ZSWIM6: variants seen among roughly 807,000 people sequenced by gnomAD.
ZSWIM6 encodes zinc finger SWIM domain-containing protein 6.
In ZSWIM6, 9 loss-of-function variants were observed where a neutral mutation model predicts 113.2. The ratio of observed to expected loss-of-function variants is 0.08; its 90% CI spans 0.05 to 0.14. The LOEUF (loss-of-function observed/expected upper bound fraction) is 0.14. Among genes scored for constraint, ZSWIM6 ranks in the 10% least tolerant of loss-of-function variants. The pLI, the probability that ZSWIM6 is intolerant of heterozygous loss-of-function variation, is 1.00. For synonymous variants in ZSWIM6, 611 were observed against 606.5 expected, an observed-to-expected ratio of 1.01 and a Z score of -0.11; for missense variants, 1,162 against 1,552.2, an observed-to-expected ratio of 0.75 and a Z score of 4.22.
At chr5:61,367,823 T>A (rs1745191924) in intron 1 of ZSWIM6, among the ~76,000 whole-genome samples, 1 of 152,124 alleles carries the variant, frequency 6.6e-6, no homozygotes, top group Non-Finnish European at 1.5e-5. Context: ...ATGAAGTACA[T>A]TTAAAAGTTG....
chr5:61,500,610 C>T (rs545415459), intron 4 of ZSWIM6, among the ~76,000 whole-genome samples: 3 of 152,224 alleles, frequency 2.0e-5, no homozygotes, highest in African/African-American at 4.8e-5. Context: ...CTAGTCTAGT[C>T]GCTAATTTGT....
chr5:61,544,218 T>C lies in ZSWIM6; in HGVS notation c.3549T>C (p.His1183=). The change falls in exon 14 of 14, where the codon CAT becomes CAC. Residue 1183 remains histidine (H), a synonymous_variant. Coordinates refer to ENST00000252744, the MANE Select transcript of ZSWIM6 (RefSeq NM_020928.2). ...SKARETFLMA[H]DGHIQFTQFI... The stretch of plus-strand genomic sequence containing the variant: ...CCCGAGAGACCTTCTTAATGGCGCA[T>C]GATGGACACATTCAGTTTACACAGT... The C allele has an allele frequency of 1.3e-6, 2 of 1,551,442 alleles. No homozygotes were observed. The highest frequency in any genetic ancestry group is 1.7e-6 in the Non-Finnish European group (2 of 1,146,944).
intron 1 of ZSWIM6, among the ~76,000 whole-genome samples, chr5:61,383,736 G>A (rs964231973): frequency 9.9e-5 from 15 of 151,240 alleles, no homozygotes; most frequent in South Asian, 2.1e-4. Flanking sequence ...TAGTAGAGAC[G>A]GGGTTTTACC....
intron 2 of ZSWIM6, among the ~76,000 whole-genome samples, chr5:61,474,037 C>T (rs188915448): frequency 2.2e-4 from 34 of 152,122 alleles, no homozygotes; most frequent in African/African-American, 8.2e-4. Flanking sequence ...GAACTGTCAC[C>T]CAGGCCAAGA....
intron 4 of ZSWIM6, among the ~76,000 whole-genome samples, chr5:61,516,147 T>C (rs1326868836): frequency 6.6e-6 from 1 of 151,770 alleles, no homozygotes; most frequent in African/African-American, 2.4e-5. Context: ...GTTTAGACCA[T>C]TTATATTTTA....
At chr5:61,538,014 C>G (rs11747755) in intron 10 of ZSWIM6, among the ~76,000 whole-genome samples, 3,232 of 152,198 alleles carry the variant, frequency 0.021, 53 homozygotes, top group Non-Finnish European at 0.032. Context: ...AATCATGGCT[C>G]CCAGGCTCAG....
intron 4 of ZSWIM6, among the ~76,000 whole-genome samples, chr5:61,514,372 C>G (rs780752647): frequency 6.6e-6 from 1 of 151,302 alleles, no homozygotes; most frequent in Non-Finnish European, 1.5e-5. Context: ...TAATCCCCTT[C>G]CCTTGCTTTA....
At chr5:61,483,280 C>G (rs1053917495) in intron 2 of ZSWIM6, among the ~76,000 whole-genome samples, 1 of 152,068 alleles carries the variant, frequency 6.6e-6, no homozygotes, top group East Asian at 1.9e-4. Context: ...ACCCATTAAT[C>G]CATTAATACA....
At chr5:61,391,730 C>CCAGGAAGGCTGTGAGGTGGA (rs2112092704) in intron 1 of ZSWIM6, 1 of 1,147,974 alleles carries the variant, frequency 8.7e-7, no homozygotes, top group East Asian at 2.3e-5. Flanking sequence ...GCCTTGTATC[C>CCAGGAAGGCTGTGAGGTGGA]CAGGAAGGCT....
At chr5:61,433,097 C>T (rs1487971977) in intron 1 of ZSWIM6, among the ~76,000 whole-genome samples, 1 of 152,026 alleles carries the variant, frequency 6.6e-6, no homozygotes, top group Non-Finnish European at 1.5e-5. Context: ...GGAAAATATT[C>T]TCCATTATGT....
chr5:61,444,251 T>C (rs977392488), intron 1 of ZSWIM6, among the ~76,000 whole-genome samples: 10 of 151,850 alleles, frequency 6.6e-5, no homozygotes, highest in African/African-American at 2.4e-4. Flanking sequence ...TCCAGTTTCA[T>C]CCATGTCCCT....
chr5:61,434,541 A>G (rs1363512529), intron 1 of ZSWIM6, among the ~76,000 whole-genome samples: 1 of 151,528 alleles, frequency 6.6e-6, no homozygotes, highest in Admixed American at 6.6e-5. Context: ...AACATATGAT[A>G]TTTGGTTTTC....
At chr5:61,471,149 A>G (rs997084655) in intron 1 of ZSWIM6, among the ~76,000 whole-genome samples, 1 of 152,230 alleles carries the variant, frequency 6.6e-6, no homozygotes, top group Non-Finnish European at 1.5e-5. Context: ...CAATAGAGGA[A>G]GACTGGGAGA....
chr5:61,352,078 C>A (rs1006246312), intron 1 of ZSWIM6, among the ~76,000 whole-genome samples: 8 of 152,184 alleles, frequency 5.3e-5, no homozygotes, highest in African/African-American at 1.9e-4. Flanking sequence ...GACCCTCAGC[C>A]ACCTTCTGCA....
chr5:61,491,766 T>C (rs538634956), intron 3 of ZSWIM6, among the ~76,000 whole-genome samples: 12 of 152,094 alleles, frequency 7.9e-5, no homozygotes, highest in East Asian at 3.8e-4. Context: ...TAGCTGTTCA[T>C]TGATGCTTTT....
intron 4 of ZSWIM6, among the ~76,000 whole-genome samples, chr5:61,508,186 T>C (rs1035713027): frequency 2.0e-5 from 3 of 152,130 alleles, no homozygotes; most frequent in Non-Finnish European, 4.4e-5. Context: ...TGGCAGCAAT[T>C]ATTGTCAGGT....
intron 1 of ZSWIM6, among the ~76,000 whole-genome samples, chr5:61,388,706 A>G (rs1157794740): frequency 6.6e-6 from 1 of 152,240 alleles, no homozygotes; most frequent in Non-Finnish European, 1.5e-5. Flanking sequence ...CAGTGGCTCA[A>G]AAATATCTAT....
At position 61,472,396 on chromosome 5, in the gene ZSWIM6, A is replaced by G. The variant is rs1275267076; in HGVS notation, c.677-285A>G. 6.6e-6 allele frequency among the ~76,000 whole-genome samples: 1 copy of G among 152,190 alleles called. No homozygotes were observed. The highest frequency in any genetic ancestry group is 2.4e-5 in the African/African-American group (1 of 41,446). On this transcript the variant is annotated intron_variant, in intron 1 of 13. Transcript: ENST00000252744. This position sits in a 1 kb window ranked among gnomAD's most constrained non-coding sequence, Gnocchi z 4.1. ...ATGATGGCCTCTTAGTGCGTGATCT[A>G]ACCACTTCCTATAGGTATGATGGTG...
intron 10 of ZSWIM6, among the ~76,000 whole-genome samples, 200 bp from the exon 11 acceptor site, chr5:61,538,614 T>C (rs1487842225): frequency 6.6e-6 from 1 of 152,234 alleles, no homozygotes; most frequent in African/African-American, 2.4e-5. Context: ...TGAACAGTTA[T>C]TATTAGCAAA....
Sources: allele counts gnomAD v4.1 joint callset (sites outside exome capture counted in the v4.1 genomes callset), GRCh38; gene constraint gnomAD v4.1.1; non-coding constraint Gnocchi (gnomAD v3.1); transcripts MANE v1.5; gene names NCBI Gene and HGNC (gene_info 2026-07-23, HGNC 2026-07-21).